Variants in PCDH15 observed in about 807,000 individuals in gnomAD.
PCDH15 encodes protocadherin-15.
In PCDH15, 129 loss-of-function variants were observed where a neutral mutation model predicts 178.5. That is an observed-to-expected ratio of 0.72 (90% CI 0.63 to 0.84). The LOEUF (loss-of-function observed/expected upper bound fraction) is 0.84, where lower values mean the gene tolerates loss of function less well. PCDH15 is among the 40% of genes least tolerant of loss of function. PCDH15 has a pLI of 0.00. For synonymous variants in PCDH15, 800 were observed against 732.0 expected (o/e 1.09, Z -1.50); for missense variants, 2,230 against 2,099.9 (o/e 1.06, Z -1.21).
intron 2 of PCDH15, among the ~76,000 whole-genome samples, chr10:55,478,092 C>CCA (rs1358009907): frequency 1.3e-5 from 2 of 151,596 alleles, no homozygotes; most frequent in Non-Finnish European, 3.0e-5. Flanking sequence ...ATGGAAAAGA[C>CCA]CACAGGTCAA....
intron 3 of PCDH15, among the ~76,000 whole-genome samples, chr10:54,835,597 C>A (rs891576936): frequency 2.0e-5 from 3 of 152,086 alleles, no homozygotes; most frequent in Non-Finnish European, 4.4e-5. Flanking sequence ...AACCAACATG[C>A]ACATTCCAAA....
chr10:55,186,954 A>T (rs938758381), intron 1 of PCDH15, among the ~76,000 whole-genome samples: 1 of 151,930 alleles, frequency 6.6e-6, no homozygotes, highest in Admixed American at 6.6e-5. Context: ...TGAAAATAAA[A>T]ATTCTCAGCG....
chr10:55,414,770 GGTGTGTGTGTGTGTGTGT>G (rs71014486), intron 2 of PCDH15, among the ~76,000 whole-genome samples: 1 of 146,866 alleles, frequency 6.8e-6, no homozygotes, highest in South Asian at 2.1e-4. Flanking sequence ...TCTAACAAGG[GGTGTGTGTGTGTGTGTGT>G]GTGTGTGTGT....
intron 2 of PCDH15, among the ~76,000 whole-genome samples, chr10:55,613,207 A>T (rs145940120): frequency 2.6e-5 from 4 of 151,766 alleles, no homozygotes; most frequent in Non-Finnish European, 5.9e-5. Flanking sequence ...TTTACCTTCA[A>T]TCTTAAGCCC....
At chr10:55,175,871 C>G (rs935236838) in intron 1 of PCDH15, among the ~76,000 whole-genome samples, 1 of 151,852 alleles carries the variant, frequency 6.6e-6, no homozygotes, top group Admixed American at 6.6e-5. Flanking sequence ...CTCTTAACTG[C>G]TATACGTGTG....
intron 3 of PCDH15, among the ~76,000 whole-genome samples, chr10:54,885,802 G>A (rs1014183800): frequency 6.6e-6 from 1 of 152,048 alleles, no homozygotes; most frequent in Non-Finnish European, 1.5e-5. Flanking sequence ...TAAAGGCCAA[G>A]TTCCTACATA....
chr10:54,897,450 C>T (rs1954564740), exon 3 of PCDH15: 1 of 152,130 alleles, frequency 6.6e-6, no homozygotes, highest in African/African-American at 2.4e-5. Context: ...CATAACATAC[C>T]TTATTTGCAG....
chr10:54,592,629 G>T (rs1220353355), intron 2 of PCDH15, among the ~76,000 whole-genome samples: 1 of 152,022 alleles, frequency 6.6e-6, no homozygotes, highest in Non-Finnish European at 1.5e-5. Flanking sequence ...CCATACCATA[G>T]CTATTGTATA....
chr10:54,675,977 A>C (rs1262437538), intron 1 of PCDH15, among the ~76,000 whole-genome samples: 2 of 152,180 alleles, frequency 1.3e-5, no homozygotes, highest in Non-Finnish European at 2.9e-5. Context: ...TAGTTTTAAC[A>C]CTTATTCCTG....
At chr10:54,474,393 G>T (rs1217620878) in intron 3 of PCDH15, among the ~76,000 whole-genome samples, 1 of 151,870 alleles carries the variant, frequency 6.6e-6, no homozygotes, top group Non-Finnish European at 1.5e-5. Context: ...ACAGGAATTG[G>T]GTTTGTTATG....
intron 2 of PCDH15, among the ~76,000 whole-genome samples, chr10:55,591,698 C>T (rs370737202): frequency 1.3e-5 from 2 of 152,026 alleles, no homozygotes; most frequent in African/African-American, 2.4e-5. Context: ...GAAAACCTGG[C>T]TAGGAGCAGG....
chr10:53,848,565 GT>G (rs1012391799), intron 28 of PCDH15, among the ~76,000 whole-genome samples: 1 of 151,748 alleles, frequency 6.6e-6, no homozygotes, highest in African/African-American at 2.4e-5. Context: ...CATAAATAAA[GT>G]TGTCTGGAAA....
chr10:54,032,760 T>A (rs957025719), intron 18 of PCDH15, among the ~76,000 whole-genome samples: 1 of 152,082 alleles, frequency 6.6e-6, no homozygotes, highest in Admixed American at 6.6e-5. Context: ...CACAATGCTA[T>A]AAATAACTTC....
At chr10:54,160,288 A>G (rs1195997521) in intron 13 of PCDH15, among the ~76,000 whole-genome samples, 1 of 152,202 alleles carries the variant, frequency 6.6e-6, no homozygotes, top group Non-Finnish European at 1.5e-5. Flanking sequence ...AGAATTTTCC[A>G]TTTAATGTTC....
intron 2 of PCDH15, among the ~76,000 whole-genome samples, chr10:54,950,775 C>T (rs1838319672): frequency 6.6e-6 from 1 of 151,916 alleles, no homozygotes; most frequent in African/African-American, 2.4e-5. Flanking sequence ...TCTCTCAATA[C>T]ATGGGGATTA....
At chr10:55,509,938 T>C (rs970116111) in intron 2 of PCDH15, among the ~76,000 whole-genome samples, 7 of 151,854 alleles carry the variant, frequency 4.6e-5, no homozygotes, top group Non-Finnish European at 7.4e-5. Context: ...TAACTAGAGA[T>C]CAAGAAATTG....
At chr10:54,459,756 A>G (rs1388073423) in intron 3 of PCDH15, among the ~76,000 whole-genome samples, 1 of 152,184 alleles carries the variant, frequency 6.6e-6, no homozygotes, top group Non-Finnish European at 1.5e-5. Context: ...TCCAGTGCTC[A>G]GATGAAGGAA....
intron 2 of PCDH15, among the ~76,000 whole-genome samples, chr10:55,046,891 T>C (rs1841019824): frequency 6.6e-6 from 1 of 151,970 alleles, no homozygotes; most frequent in Non-Finnish European, 1.5e-5. Context: ...ATAGATCACA[T>C]CTCAATACAT....
chr10:53,828,521 T>C lies in PCDH15; in HGVS notation c.4211+44A>G, dbSNP rs777182695. On this transcript the variant is annotated intron_variant, in intron 31 of 37. Coordinates refer to ENST00000644397, the MANE Select transcript of PCDH15 (RefSeq NM_001384140.1). ...TTGATATAATCTCGGGTTTCTCTTT[T>C]CCTATTACATGAAAAGGATGTGTAA... 2.0e-6 allele frequency: 3 copies of C among 1,490,750 alleles called. No individual in the cohort carries two copies. In the South Asian group the frequency reaches 3.4e-5, roughly 17 times the overall value. The allele number at this position is 1,490,750 out of a possible 1,614,324, so 92.3% of individuals were successfully genotyped here. A position where few individuals can be genotyped will look rare whatever the true frequency, so the allele number is the denominator to read the frequency against.
Sources: gnomAD v4.1 joint callset for allele counts (sites outside exome capture counted in the v4.1 genomes callset) on GRCh38, gnomAD v4.1.1 for gene constraint, MANE v1.5 for transcripts, NCBI Gene and HGNC (gene_info 2026-07-23, HGNC 2026-07-21) for gene names.